TSPAN5: variants seen among roughly 807,000 people sequenced by gnomAD.
TSPAN5 encodes tetraspanin 5, also known as tetraspanin-5.
TSPAN5 carries 10 observed loss-of-function variants against 37.1 expected under a neutral mutation model. That is an observed-to-expected ratio of 0.27 (90% CI 0.17 to 0.46). The LOEUF is 0.46. Among genes scored for constraint, TSPAN5 ranks in the 20% least tolerant of loss-of-function variants. The pLI, the probability that TSPAN5 is intolerant of heterozygous loss-of-function variation, is 1.00. For synonymous variants in TSPAN5, 110 were observed against 118.9 expected, an observed-to-expected ratio of 0.93 and a Z score of 0.48; for missense variants, 195 against 326.6, an observed-to-expected ratio of 0.60 and a Z score of 3.11.
At chr4:98,563,878 G>T (rs1412963515) in intron 1 of TSPAN5, among the ~76,000 whole-genome samples, 2 of 152,118 alleles carry the variant, frequency 1.3e-5, no homozygotes, top group African/African-American at 4.8e-5. Flanking sequence ...GTGGGTAGAG[G>T]TTGGGGAAGT....
intron 1 of TSPAN5, among the ~76,000 whole-genome samples, chr4:98,541,694 A>G (rs2141395): frequency 0.43 from 37,942 of 88,884 alleles, 7,730 homozygotes; most frequent in South Asian, 0.59. Flanking sequence ...AAAAAAAAAA[A>G]AGAGAGAGAG....
intron 1 of TSPAN5, among the ~76,000 whole-genome samples, chr4:98,604,411 T>C (rs1755956415): frequency 6.6e-6 from 1 of 152,228 alleles, no homozygotes; most frequent in Non-Finnish European, 1.5e-5. Flanking sequence ...GTCATCAAAA[T>C]GACAGAGCCA....
chr4:98,498,835 C>T lies in TSPAN5; in HGVS notation c.132+8843G>A, dbSNP rs76260902. ...CCTTGCAACCTAGAGAGAGAAGGGC[C>T]GGCTGGCTGCTCTGGTATCAGAAGT... On this transcript the variant is annotated intron_variant, in intron 2 of 7. Coordinates refer to ENST00000305798, the MANE Select transcript of TSPAN5 (RefSeq NM_005723.4). 9.5e-3 allele frequency among the ~76,000 whole-genome samples: 1,450 copies of T among 152,204 alleles called. 28 individuals carry two copies. Among genetic ancestry groups the T allele is most frequent in the African/African-American group, 0.033 (1,363 of 41,518 alleles).
intron 1 of TSPAN5, among the ~76,000 whole-genome samples, chr4:98,590,665 G>A (rs1334822182): frequency 6.6e-6 from 1 of 150,626 alleles, no homozygotes; most frequent in Non-Finnish European, 1.5e-5. Flanking sequence ...AGCCGAGGTT[G>A]CATCACTGCA....
intron 1 of TSPAN5, among the ~76,000 whole-genome samples, chr4:98,614,601 A>T (rs1183114344): frequency 6.6e-6 from 1 of 152,254 alleles, no homozygotes; most frequent in Non-Finnish European, 1.5e-5. Flanking sequence ...AAAAATAAGA[A>T]AATGACAAAA....
chr4:98,549,424 T>A (rs951503715), intron 1 of TSPAN5, among the ~76,000 whole-genome samples: 1 of 151,982 alleles, frequency 6.6e-6, no homozygotes, highest in African/African-American at 2.4e-5. Flanking sequence ...TGCCTCAGCC[T>A]CCTGAGTAAC....
Position 98,588,190 on chromosome 4 carries a change from T to A in TSPAN5, c.81+69956A>T, listed in dbSNP as rs184640857. 1.7e-3 allele frequency among the ~76,000 whole-genome samples: 263 copies of A among 152,284 alleles called. 1 individual carries two copies. The highest frequency in any genetic ancestry group is 6.8e-3 in the Middle Eastern group (2 of 294). ...AAGTTAAAACGAATTAACTTCATCA[T>A]GGCCTGCAGGATGAAAGAGATAAAA... is the stretch of plus-strand genomic sequence containing the variant. On this transcript the variant is annotated intron_variant, in intron 1 of 7. Transcript: ENST00000305798.
intron 1 of TSPAN5, among the ~76,000 whole-genome samples, chr4:98,561,942 G>A (rs1394025763): frequency 1.3e-5 from 2 of 152,224 alleles, no homozygotes; most frequent in Non-Finnish European, 2.9e-5. Flanking sequence ...GCTGTGGGCA[G>A]GCACATTCCA....
chr4:98,597,447 A>G, intron 1 of TSPAN5, among the ~76,000 whole-genome samples: 1 of 57,078 alleles, frequency 1.8e-5, no homozygotes. Flanking sequence ...CGTCAAAATC[A>G]TTCTCCATCC....
chr4:98,484,558 G>C, intron 3 of TSPAN5: 1 of 456,202 alleles, frequency 2.2e-6, no homozygotes, highest in South Asian at 1.5e-5. Flanking sequence ...TTAGAGAAAT[G>C]TGTAGTTTTC....
chr4:98,519,855 C>G (rs1037090629), intron 1 of TSPAN5, among the ~76,000 whole-genome samples: 1 of 152,144 alleles, frequency 6.6e-6, no homozygotes, highest in Non-Finnish European at 1.5e-5. Context: ...GCTGTGTGAC[C>G]TCAGACAAGT....
In TSPAN5 at chr4:98,476,279, G is replaced by A. The variant is rs1465122313; in HGVS notation, c.651C>T (p.Tyr217=). The A allele has an allele frequency of 1.2e-6, 2 of 1,614,204 alleles. No individual in the cohort carries two copies. Among genetic ancestry groups the A allele is most frequent in the East Asian group, 4.5e-5 (2 of 44,878 alleles). The stretch of plus-strand genomic sequence containing the variant: ...CAAACTGGGGCACACAGCCTTTCGT[G>A]TAGATTACAATCTGCTGGTCAACTT... ...KPEVDQQIVI[Y]TKGCVPQFEK... is the part of the protein sequence containing the mutation. Residue 217 remains tyrosine, a synonymous_variant, in exon 7 of 8, where the codon TAC becomes TAT. Transcript: ENST00000305798.
intron 2 of TSPAN5, among the ~76,000 whole-genome samples, chr4:98,500,661 G>T (rs1560514171): frequency 6.6e-6 from 1 of 152,362 alleles, no homozygotes; most frequent in South Asian, 2.1e-4. Flanking sequence ...AGTCAGGGAA[G>T]TGCAAATGCA....
chr4:98,651,971 C>T (rs751470123), intron 1 of TSPAN5, among the ~76,000 whole-genome samples: 60 of 151,334 alleles, frequency 4.0e-4, no homozygotes, highest in Non-Finnish European at 7.8e-4. Flanking sequence ...CCACCTCAGC[C>T]TCCCAAGTGG....
intron 1 of TSPAN5, among the ~76,000 whole-genome samples, chr4:98,552,301 G>A (rs1262950957): frequency 2.0e-5 from 3 of 152,134 alleles, no homozygotes; most frequent in Non-Finnish European, 2.9e-5. Flanking sequence ...TAGGTAACTT[G>A]TGACCTACTG....
chr4:98,541,674 CAAAA>C (rs746840547), intron 1 of TSPAN5, among the ~76,000 whole-genome samples: 1,366 of 104,326 alleles, frequency 0.013, 27 homozygotes, highest in African/African-American at 0.051. Flanking sequence ...GACTCTGTCT[CAAAA>C]AAAAAAAAAA....
chr4:98,494,968 T>A (rs530033290), intron 2 of TSPAN5, among the ~76,000 whole-genome samples: 76 of 152,134 alleles, frequency 5.0e-4, no homozygotes, highest in Non-Finnish European at 1.0e-3. Context: ...CCATGAGTGG[T>A]GGAAGCTTAG....
chr4:98,525,697 T>C (rs998480876), intron 1 of TSPAN5, among the ~76,000 whole-genome samples: 37 of 152,194 alleles, frequency 2.4e-4, no homozygotes, highest in Non-Finnish European at 4.1e-4. Context: ...CTCACATTTA[T>C]TTCAATGTTT....
intron 1 of TSPAN5, among the ~76,000 whole-genome samples, chr4:98,588,341 CGTAT>C (rs934346287): frequency 6.6e-6 from 1 of 151,456 alleles, no homozygotes; most frequent in African/African-American, 2.4e-5. Flanking sequence ...CTGTTTCCAC[CGTAT>C]GTTTCGCTAA....
Sources: allele counts gnomAD v4.1 joint callset (sites outside exome capture counted in the v4.1 genomes callset), GRCh38; gene constraint gnomAD v4.1.1; transcripts MANE v1.5; gene names NCBI Gene and HGNC (gene_info 2026-07-23, HGNC 2026-07-21).